STARD13: variants seen among roughly 807,000 people sequenced by gnomAD.
The protein encoded by STARD13 is StAR related lipid transfer domain containing 13.
A neutral mutation model predicts 106.4 loss-of-function variants in STARD13; 62 were observed. The observed-to-expected ratio is 0.58, with a 90% CI of 0.48 to 0.72. The LOEUF is 0.72. Ranked by LOEUF, STARD13 falls within the 30% of genes least tolerant of loss-of-function variation. The pLI is 0.00. For synonymous variants in STARD13, 565 were observed against 553.0 expected (o/e 1.02, Z -0.31); for missense variants, 1,387 against 1,424.0 (o/e 0.97, Z 0.42).
At chr13:33,310,130 C>T (rs562759140) in intron 1 of STARD13, among the ~76,000 whole-genome samples, 57 of 152,226 alleles carry the variant, frequency 3.7e-4, no homozygotes, top group Middle Eastern at 3.4e-3. Flanking sequence ...GCAAGTTAGA[C>T]GGCAGCAGGC....
chr13:33,555,000 C>T, the STARD13 span, among the ~76,000 whole-genome samples: 1 of 152,128 alleles, frequency 6.6e-6, no homozygotes, highest in East Asian at 1.9e-4. Context: ...CAGGAATCTG[C>T]ATTTAACAAC....
the STARD13 span, among the ~76,000 whole-genome samples, chr13:33,552,840 A>G: frequency 3.9e-5 from 6 of 152,300 alleles, no homozygotes; most frequent in East Asian, 5.8e-4. Context: ...AGTAAAAATC[A>G]TAATGAAAGT....
intron 1 of STARD13, among the ~76,000 whole-genome samples, chr13:33,317,154 T>A (rs796323461): frequency 6.6e-6 from 1 of 152,120 alleles, no homozygotes; most frequent in South Asian, 2.1e-4. Context: ...TTCCTGACTT[T>A]AAACACTAAA....
At chr13:33,523,942 G>A in the STARD13 span, among the ~76,000 whole-genome samples, 1 of 152,082 alleles carries the variant, frequency 6.6e-6, no homozygotes. Flanking sequence ...TAAAAATGAA[G>A]AGATGAATTG....
the STARD13 span, among the ~76,000 whole-genome samples, chr13:33,584,686 C>T: frequency 1.6e-4 from 24 of 152,164 alleles, no homozygotes; most frequent in Admixed American, 1.6e-3. Flanking sequence ...ATCAAATTAG[C>T]AAAATGGGCA....
At chr13:33,254,019 C>T (rs566608695) in intron 1 of STARD13, among the ~76,000 whole-genome samples, 5 of 152,202 alleles carry the variant, frequency 3.3e-5, no homozygotes, top group Admixed American at 3.3e-4. Context: ...TATTGGGATG[C>T]ACAGTCTGAC....
chr13:33,292,650 T>C (rs1030488005), intron 1 of STARD13, among the ~76,000 whole-genome samples: 1 of 151,740 alleles, frequency 6.6e-6, no homozygotes, highest in East Asian at 1.9e-4. Flanking sequence ...GGTAGCAAAA[T>C]TTAGTTCACA....
intron 10 of STARD13, 109 bp from the exon 11 acceptor site, chr13:33,111,016 G>A: frequency 2.2e-6 from 2 of 893,964 alleles, no homozygotes; most frequent in East Asian, 2.6e-5. Flanking sequence ...CACGGGCCGA[G>A]GGCCACACGG....
At chr13:33,304,475 T>C (rs1892831480) in intron 1 of STARD13, among the ~76,000 whole-genome samples, 1 of 152,158 alleles carries the variant, frequency 6.6e-6, no homozygotes, top group South Asian at 2.1e-4. Context: ...TCTGTCAACA[T>C]TCCATGTAAT....
chr13:33,177,267 G>A (rs1236239206), intron 1 of STARD13, among the ~76,000 whole-genome samples: 1 of 152,076 alleles, frequency 6.6e-6, no homozygotes, highest in Non-Finnish European at 1.5e-5. Flanking sequence ...AGATAAAAGT[G>A]GCTTAAAATT....
At chr13:33,138,216 T>C (rs1463759939) in intron 4 of STARD13, among the ~76,000 whole-genome samples, 4 of 152,214 alleles carry the variant, frequency 2.6e-5, no homozygotes, top group Non-Finnish European at 5.9e-5. Context: ...AACAGCCTAA[T>C]TGGAGTCTTC....
the STARD13 span, among the ~76,000 whole-genome samples, chr13:33,361,009 C>T: frequency 0.56 from 80,650 of 144,586 alleles, 25,040 homozygotes; most frequent in East Asian, 0.91. Flanking sequence ...GTTTTCACCG[C>T]GTTAGCCAGG....
chr13:33,621,842 T>C, the STARD13 span, among the ~76,000 whole-genome samples: 1 of 151,366 alleles, frequency 6.6e-6, no homozygotes, highest in Non-Finnish European at 1.5e-5. Context: ...CTCGCTCTTG[T>C]CATCCAGGCT....
intron 12 of STARD13, among the ~76,000 whole-genome samples, chr13:33,109,140 C>T (rs968172752): frequency 2.3e-4 from 35 of 152,146 alleles, no homozygotes; most frequent in Admixed American, 2.0e-3. Context: ...TGAGACAAGG[C>T]TTGCCAAGAT....
the STARD13 span, among the ~76,000 whole-genome samples, chr13:33,564,437 G>A: frequency 6.9e-6 from 1 of 145,884 alleles, no homozygotes; most frequent in Non-Finnish European, 1.5e-5. Flanking sequence ...ATGTACTCTT[G>A]GTGGGAATGT....
At chr13:33,284,674 A>C (rs561664961) in intron 1 of STARD13, among the ~76,000 whole-genome samples, 1 of 151,912 alleles carries the variant, frequency 6.6e-6, no homozygotes, top group Non-Finnish European at 1.5e-5. Flanking sequence ...GCTTCTTAGG[A>C]ATGTTCGTCT....
At chr13:33,473,943 C>T in the STARD13 span, among the ~76,000 whole-genome samples, 1 of 152,102 alleles carries the variant, frequency 6.6e-6, no homozygotes, top group African/African-American at 2.4e-5. Flanking sequence ...AGGAAAGCAC[C>T]CCAATTGTTT....
chr13:33,428,065 C>T, the STARD13 span, among the ~76,000 whole-genome samples: 1 of 151,812 alleles, frequency 6.6e-6, no homozygotes, highest in East Asian at 1.9e-4. Flanking sequence ...GCACTAGGAA[C>T]ATACAATGGG....
the STARD13 span, among the ~76,000 whole-genome samples, chr13:33,404,292 T>C: frequency 1.3e-5 from 2 of 152,230 alleles, no homozygotes; most frequent in African/African-American, 4.8e-5. Context: ...AACTGTATTA[T>C]TGCCTTTTAA....
Sources: allele counts gnomAD v4.1 joint callset (sites outside exome capture counted in the v4.1 genomes callset), GRCh38; gene constraint gnomAD v4.1.1; transcripts MANE v1.5; gene names NCBI Gene and HGNC (gene_info 2026-07-23, HGNC 2026-07-21).